MTF1: variants seen among roughly 807,000 people sequenced by gnomAD.
MTF1 encodes metal regulatory transcription factor 1.
A neutral mutation model predicts 70.4 loss-of-function variants in MTF1; 22 were observed. That is an observed-to-expected ratio of 0.31 (90% CI 0.22 to 0.45). The LOEUF (loss-of-function observed/expected upper bound fraction) is 0.45. Among genes scored for constraint, MTF1 ranks in the 20% least tolerant of loss-of-function variants. The pLI, the probability that MTF1 is intolerant of heterozygous loss-of-function variation, is 1.00. For synonymous variants in MTF1, 333 were observed against 352.8 expected (o/e 0.94, Z 0.63); for missense variants, 649 against 922.0 (o/e 0.70, Z 3.83).
rs1319581776 is a variant in MTF1, at chr1:37,840,471, G to A, written c.409-313C>T. ...GTACACTATACTGTTACAGCTACCT[G>A]TATTCAGATAAGATCTTAACTTTGT... On this transcript the variant is annotated intron_variant, in intron 2 of 10. Coordinates refer to ENST00000373036, the MANE Select transcript of MTF1 (RefSeq NM_005955.3). The surrounding 1 kb of genome is among the most constrained non-coding windows in gnomAD (Gnocchi z 4.5). 2 of 489,992 alleles carry A rather than the reference G, an allele frequency of 4.1e-6. No homozygotes were observed. The highest frequency in any genetic ancestry group is 5.9e-5 in the East Asian group (1 of 17,090). The allele number at this position is 489,992 out of a possible 1,614,324, so 30.4% of individuals were successfully genotyped here.
chr1:37,853,683 T>C (rs934431183), intron 2 of MTF1, among the ~76,000 whole-genome samples: 46 of 152,184 alleles, frequency 3.0e-4, no homozygotes, highest in African/African-American at 1.1e-3. Context: ...TTTTCCTAAA[T>C]TGTATGTATT....
intron 2 of MTF1, among the ~76,000 whole-genome samples, chr1:37,843,066 G>A (rs1641279230): frequency 6.6e-6 from 1 of 152,216 alleles, no homozygotes; most frequent in African/African-American, 2.4e-5. Flanking sequence ...GCCCAGGCTA[G>A]AGTGCAGTGG....
chr1:37,852,454 TC>T (rs1435715851), intron 2 of MTF1, among the ~76,000 whole-genome samples: 1 of 152,138 alleles, frequency 6.6e-6, no homozygotes, highest in Non-Finnish European at 1.5e-5. Flanking sequence ...AGCCACTTTC[TC>T]CTCAGCATGC....
chr1:37,834,063 C>T (rs906251096), intron 6 of MTF1, among the ~76,000 whole-genome samples: 4 of 150,706 alleles, frequency 2.7e-5, no homozygotes, highest in South Asian at 4.2e-4. Context: ...CACATCTCTA[C>T]TAAAAACACA....
chr1:37,844,331 T>C (rs748977923), intron 2 of MTF1, among the ~76,000 whole-genome samples: 4 of 152,174 alleles, frequency 2.6e-5, no homozygotes, highest in Non-Finnish European at 5.9e-5. Flanking sequence ...GTTCCTTCCT[T>C]CTCCGCTTTT....
chr1:37,826,415 G>A, intron 7 of MTF1: 1 of 339,336 alleles, frequency 2.9e-6, no homozygotes, highest in South Asian at 2.2e-5. Context: ...CAAGTAGCTG[G>A]GACTACAGGC....
In MTF1 at chr1:37,840,248, G is replaced by A. The variant is rs924724273; in HGVS notation, c.409-90C>T. On this transcript the variant is annotated intron_variant, in intron 2 of 10. Coordinates refer to ENST00000373036, the MANE Select transcript of MTF1 (RefSeq NM_005955.3). This position sits in a 1 kb window ranked among gnomAD's most constrained non-coding sequence, Gnocchi z 4.5. Reference sequence around the variant, plus strand: ...CAGAGCTCAGCTCCCAAGAGATGCTGTGGACAATACAACTGGGTTTTCATC... The same window carrying A: ...CAGAGCTCAGCTCCCAAGAGATGCTATGGACAATACAACTGGGTTTTCATC... 8.6e-6 allele frequency: 10 copies of A among 1,167,752 alleles called. No individual in the cohort carries two copies. Among genetic ancestry groups the A allele is most frequent in the South Asian group, 5.3e-5 (4 of 75,652 alleles). The allele number at this position is 1,167,752 out of a possible 1,614,324, so 72.3% of individuals were successfully genotyped here.
chr1:37,850,095 C>T (rs563429856), intron 2 of MTF1, among the ~76,000 whole-genome samples: 95 of 151,818 alleles, frequency 6.3e-4, no homozygotes, highest in African/African-American at 2.0e-3. Context: ...AAAAAGTAGC[C>T]GGCACAGTAG....
At chr1:37,816,729 G>A (rs1640824384) in intron 10 of MTF1, among the ~76,000 whole-genome samples, 1 of 151,922 alleles carries the variant, frequency 6.6e-6, no homozygotes, top group East Asian at 1.9e-4. Context: ...CATGGTGGTG[G>A]AGCATGCCTA....
chr1:37,850,141 G>C (rs564195113), intron 2 of MTF1, among the ~76,000 whole-genome samples: 30 of 151,392 alleles, frequency 2.0e-4, no homozygotes, highest in Middle Eastern at 3.4e-3. Flanking sequence ...TGGAGGCTGA[G>C]GTGGCAGGAC....
At chr1:37,823,281 CA>C (rs968909462) in intron 8 of MTF1, among the ~76,000 whole-genome samples, 78 of 142,208 alleles carry the variant, frequency 5.5e-4, no homozygotes, top group Admixed American at 5.6e-4. Context: ...ACCAAAAATA[CA>C]AAAAAAAAAA....
At chr1:37,856,235 T>C (rs899691524) in intron 2 of MTF1, among the ~76,000 whole-genome samples, 3 of 127,122 alleles carry the variant, frequency 2.4e-5, no homozygotes, top group African/African-American at 5.7e-5. Context: ...TGGAGTGCAG[T>C]GGCACGATCT....
intron 7 of MTF1, among the ~76,000 whole-genome samples, chr1:37,824,465 G>A (rs1354042766): frequency 1.3e-5 from 2 of 152,102 alleles, no homozygotes; most frequent in Non-Finnish European, 2.9e-5. Flanking sequence ...TGGGAGGCTG[G>A]GGCGGGCAGA....
chr1:37,857,936 G>C (rs1160046911), intron 1 of MTF1, among the ~76,000 whole-genome samples: 1 of 151,544 alleles, frequency 6.6e-6, no homozygotes, highest in East Asian at 1.9e-4. Flanking sequence ...CAACACTTTG[G>C]GAGGCTAAGA....
intron 9 of MTF1, among the ~76,000 whole-genome samples, chr1:37,820,489 C>T (rs1442229634): frequency 1.3e-5 from 2 of 152,178 alleles, no homozygotes; most frequent in African/African-American, 4.8e-5. Context: ...GACCTCTGCT[C>T]TCCATTGGGA....
At chr1:37,842,876 A>G (rs183398404) in intron 2 of MTF1, among the ~76,000 whole-genome samples, 3 of 152,330 alleles carry the variant, frequency 2.0e-5, no homozygotes, top group African/African-American at 7.2e-5. Flanking sequence ...GCAGCTAGGA[A>G]TTCACTAATG....
chr1:37,828,056 C>T (rs1641030650), intron 7 of MTF1: 1 of 308,810 alleles, frequency 3.2e-6, no homozygotes, highest in Admixed American at 4.7e-5. Context: ...TATTGTTCAA[C>T]AAGAAGAATG....
At position 37,840,200 on chromosome 1, in the gene MTF1, G is replaced by A; in HGVS notation, c.409-42C>T. Reference sequence around the variant, plus strand: ...ACCTCATCAACAGGACAAAAATGCTGCCCAGGGCTTAACTCCCCCACCCAG... The same window carrying A: ...ACCTCATCAACAGGACAAAAATGCTACCCAGGGCTTAACTCCCCCACCCAG... On this transcript the variant is annotated intron_variant, in intron 2 of 10. Transcript: ENST00000373036. The surrounding 1 kb of genome is among the most constrained non-coding windows in gnomAD (Gnocchi z 4.5). 6.3e-7 allele frequency: 1 copy of A among 1,580,990 alleles called. No individual in the cohort carries two copies. Among genetic ancestry groups the A allele is most frequent in the African/African-American group, 1.3e-5 (1 of 74,372 alleles).
intron 7 of MTF1, among the ~76,000 whole-genome samples, chr1:37,830,501 T>C (rs1191379611): frequency 6.6e-6 from 1 of 152,224 alleles, no homozygotes; most frequent in Non-Finnish European, 1.5e-5. Context: ...TAAAAATCCT[T>C]GTCGCATAAA....
Sources: gnomAD v4.1 joint callset for allele counts (sites outside exome capture counted in the v4.1 genomes callset) on GRCh38, gnomAD v4.1.1 for gene constraint, Gnocchi (gnomAD v3.1) non-coding constraint, MANE v1.5 for transcripts, NCBI Gene and HGNC (gene_info 2026-07-23, HGNC 2026-07-21) for gene names.